Variants in TAB1 observed in about 807,000 individuals in gnomAD.
TAB1 encodes TGF-beta-activated kinase 1 and MAP3K7-binding protein 1.
Under a neutral mutation model 54.5 loss-of-function variants are expected in TAB1, and 30 were observed. The observed-to-expected ratio is 0.55, with a 90% confidence interval of 0.41 to 0.75. TAB1 has a LOEUF of 0.75. Among genes scored for constraint, TAB1 ranks in the 30% least tolerant of loss-of-function variants. The pLI is 0.00. For synonymous variants in TAB1, 289 were observed against 286.9 expected, an observed-to-expected ratio of 1.01 and a Z score of -0.07; for missense variants, 609 against 683.2, an observed-to-expected ratio of 0.89 and a Z score of 1.21.
chr22:39,408,790 C>T (rs899892954), intron 1 of TAB1, among the ~76,000 whole-genome samples: 7 of 152,210 alleles, frequency 4.6e-5, no homozygotes, highest in African/African-American at 1.4e-4. Flanking sequence ...ATTGATCCAC[C>T]GTGCCTGGCC....
intron 1 of TAB1, among the ~76,000 whole-genome samples, chr22:39,406,267 C>CA (rs1377651850): frequency 6.6e-6 from 1 of 152,068 alleles, no homozygotes; most frequent in African/African-American, 2.4e-5. Flanking sequence ...GGCATGGTGG[C>CA]ACGCACCTGT....
intron 1 of TAB1, among the ~76,000 whole-genome samples, chr22:39,414,516 A>G (rs1476439627): frequency 6.6e-6 from 1 of 152,222 alleles, no homozygotes; most frequent in Non-Finnish European, 1.5e-5. Flanking sequence ...GTCACCTGAA[A>G]GCATCACCCA....
intron 3 of TAB1, 107 bp from the exon 4 acceptor site, chr22:39,416,684 C>A: frequency 2.9e-6 from 3 of 1,035,514 alleles, no homozygotes; most frequent in South Asian, 1.3e-5. Flanking sequence ...CACACAAGAA[C>A]CTGCAGTGAA....
chr22:39,433,439 C>G (rs1435070750), downstream of TAB1: 5 of 963,392 alleles, frequency 5.2e-6, no homozygotes, highest in Middle Eastern at 5.3e-4. Context: ...GGCGACAGAG[C>G]GAGACCCTGT....
chr22:39,425,547 GCTTTTT>G (rs1348534534), intron 8 of TAB1, among the ~76,000 whole-genome samples: 1 of 151,834 alleles, frequency 6.6e-6, no homozygotes, highest in African/African-American at 2.4e-5. Flanking sequence ...TGCATTAAAT[GCTTTTT>G]CTTTTCTTTT....
At chr22:39,418,901 C>G in intron 6 of TAB1, 56 bp downstream of exon 6, 1 of 1,433,006 alleles carries the variant, frequency 7.0e-7, no homozygotes, top group Non-Finnish European at 9.8e-7. Context: ...CCTTCGCCTG[C>G]CTTTGGTGGT....
At chr22:39,429,137 C>T in intron 10 of TAB1, 1 of 985,476 alleles carries the variant, frequency 1.0e-6, no homozygotes, top group South Asian at 4.7e-5. Flanking sequence ...AGCGTCTGAG[C>T]CATAGTTGGT....
intron 1 of TAB1, among the ~76,000 whole-genome samples, chr22:39,400,177 A>G (rs940142138): frequency 1.3e-4 from 20 of 152,198 alleles, no homozygotes; most frequent in African/African-American, 4.6e-4. Context: ...TGCAATGATA[A>G]TAACAGCAGC....
In TAB1 at chr22:39,415,712, G is replaced by A; in HGVS notation, c.324+59G>A. 1 of 1,570,728 alleles carries A rather than the reference G, an allele frequency of 6.4e-7. No homozygotes were observed. Among genetic ancestry groups the A allele is most frequent in the Non-Finnish European group, 8.6e-7 (1 of 1,160,704 alleles). ...CATCATGTCCCCCACCCCAAGGCTT[G>A]GGCCCTGCACCTCTAGCATGTTGCC... is the stretch of plus-strand genomic sequence containing the variant. On this transcript the variant is annotated intron_variant, in intron 3 of 10. Transcript: ENST00000216160. This position sits in a 1 kb window ranked among gnomAD's most constrained non-coding sequence, Gnocchi z 4.9.
At position 39,426,863 on chromosome 22, in the gene TAB1, T is replaced by C; in HGVS notation, c.1082T>C (p.Leu361Pro). The change falls in exon 9 of 11, where the codon CTA (leucine) becomes CCA (proline). Residue 361 changes from leucine to proline, a missense_variant. Leu to Pro is a moderately conservative substitution (Grantham distance 98). Coordinates refer to ENST00000216160, the MANE Select transcript of TAB1 (RefSeq NM_006116.3). ...CCCCGGCACGAGGACATGACCCTGC[T>C]AGTGAGGAACTTTGGCTACCCGCTG... ...FCPRHEDMTL[L>P]VRNFGYPLGE... 6.2e-7 allele frequency: 1 copy of C among 1,613,484 alleles called. No individual in the cohort carries two copies. Among genetic ancestry groups the C allele is most frequent in the Non-Finnish European group, 8.5e-7 (1 of 1,180,016 alleles).
chr22:39,426,991 G>A (rs559277877), intron 9 of TAB1, 66 bp downstream of exon 9: 35 of 1,508,200 alleles, frequency 2.3e-5, no homozygotes, highest in Non-Finnish European at 3.1e-5. Context: ...TGGGTGCAGA[G>A]CCCCCGAGGC....
At chr22:39,401,397 G>C (rs182376537) in intron 1 of TAB1, among the ~76,000 whole-genome samples, 12 of 152,264 alleles carry the variant, frequency 7.9e-5, no homozygotes, top group Middle Eastern at 3.4e-3. Context: ...GATTTTAGAC[G>C]GCTGGCCCTC....
At chr22:39,407,721 G>A (rs546261363) in intron 1 of TAB1, among the ~76,000 whole-genome samples, 303 of 152,230 alleles carry the variant, frequency 2.0e-3, no homozygotes, top group Non-Finnish European at 3.7e-3. Flanking sequence ...TCCTGACCTC[G>A]TGATTCGCCG....
chr22:39,435,513 C>T (rs1369854653), downstream of TAB1, among the ~76,000 whole-genome samples: 3 of 152,156 alleles, frequency 2.0e-5, no homozygotes, highest in African/African-American at 7.2e-5. Flanking sequence ...CTACTGCTGG[C>T]GCCCATTTTA....
rs1406991546 is a variant in TAB1 at position 39,416,831 on chromosome 22, A to G, written c.365A>G (p.Asp122Gly). 2.5e-6 allele frequency: 4 copies of G among 1,614,184 alleles called. No individual in the cohort carries two copies. The highest frequency in any genetic ancestry group is 3.4e-6 in the Non-Finnish European group (4 of 1,180,036). Residue 122 changes from aspartate (D) to glycine (G), a missense_variant, in exon 4 of 11, where the codon GAC becomes GGC. Physicochemically the swap from Asp to Gly is moderately conservative, Grantham distance 94. Coordinates refer to ENST00000216160, the MANE Select transcript of TAB1 (RefSeq NM_006116.3). Reference sequence around the variant, plus strand: ...GAGAGGAGCTTCCTGGAGTCCATTGACGACGCCTTGGCTGAGAAGGCAAGC... The same window carrying G: ...GAGAGGAGCTTCCTGGAGTCCATTGGCGACGCCTTGGCTGAGAAGGCAAGC... Reference protein sequence around the residue: ...VVERSFLESIDDALAEKASLQ... With the variant: ...VVERSFLESIGDALAEKASLQ...
intron 10 of TAB1, among the ~76,000 whole-genome samples, chr22:39,428,755 G>A (rs551128526): frequency 6.6e-6 from 1 of 152,316 alleles, no homozygotes; most frequent in Admixed American, 6.5e-5. Context: ...CCACATTCCA[G>A]CCCTGCATGG....
intron 1 of TAB1, among the ~76,000 whole-genome samples, chr22:39,407,384 T>A (rs1926410591): frequency 6.6e-6 from 1 of 152,230 alleles, no homozygotes; most frequent in Admixed American, 6.5e-5. Flanking sequence ...GTTTTTATGC[T>A]CTCATTCTTT....
intron 1 of TAB1, among the ~76,000 whole-genome samples, chr22:39,405,800 C>G (rs1288917214): frequency 1.3e-5 from 2 of 152,198 alleles, no homozygotes; most frequent in African/African-American, 2.4e-5. Context: ...ACGATCCAAG[C>G]CTACTCAGCT....
chr22:39,436,413 C>T (rs572551519), downstream of TAB1: 2 of 1,279,484 alleles, frequency 1.6e-6, no homozygotes, highest in Admixed American at 1.7e-5. Context: ...TAGAAAGTTG[C>T]CCAAGATCAC....
Sources: allele counts gnomAD v4.1 joint callset (sites outside exome capture counted in the v4.1 genomes callset), GRCh38; gene constraint gnomAD v4.1.1; non-coding constraint Gnocchi (gnomAD v3.1); transcripts MANE v1.5; gene names NCBI Gene and HGNC (gene_info 2026-07-23, HGNC 2026-07-21).